NKAIN3: variants seen among roughly 807,000 people sequenced by gnomAD.
The protein encoded by NKAIN3 is sodium/potassium transporting ATPase interacting 3.
In NKAIN3, 25 loss-of-function variants were observed where a neutral mutation model predicts 30.2. The observed-to-expected ratio is 0.83, with a 90% CI of 0.60 to 1.16. The LOEUF (loss-of-function observed/expected upper bound fraction) is 1.16. Ranked by LOEUF, NKAIN3 falls within the 50% of genes most tolerant of loss-of-function variation. The pLI is 0.00. For synonymous variants in NKAIN3, 91 were observed against 89.6 expected (o/e 1.02, Z -0.09); for missense variants, 225 against 254.1 (o/e 0.89, Z 0.78).
chr8:62,649,838 G>A (rs1412763073), intron 3 of NKAIN3, among the ~76,000 whole-genome samples: 1 of 152,104 alleles, frequency 6.6e-6, no homozygotes, highest in African/African-American at 2.4e-5. Context: ...GCAGGGGCTG[G>A]GGGAAGGTTC....
At chr8:62,252,272 T>C (rs1812130348) in intron 1 of NKAIN3, among the ~76,000 whole-genome samples, 1 of 152,196 alleles carries the variant, frequency 6.6e-6, no homozygotes. Context: ...ACAATCTACA[T>C]GCTCATGACT....
At chr8:62,815,018 A>T (rs1289090053) in intron 4 of NKAIN3, among the ~76,000 whole-genome samples, 1 of 152,058 alleles carries the variant, frequency 6.6e-6, no homozygotes, top group East Asian at 1.9e-4. Context: ...TAGATGCAAT[A>T]AAAAATGATA....
At chr8:62,898,259 C>T (rs910872629) in intron 4 of NKAIN3, among the ~76,000 whole-genome samples, 3 of 152,036 alleles carry the variant, frequency 2.0e-5, no homozygotes, top group African/African-American at 7.2e-5. Context: ...AAGACACAAG[C>T]ATGCATATTT....
intron 3 of NKAIN3, among the ~76,000 whole-genome samples, chr8:62,616,038 C>T (rs1168674887): frequency 6.6e-6 from 1 of 152,052 alleles, no homozygotes; most frequent in East Asian, 1.9e-4. Flanking sequence ...TTTTCTATTC[C>T]ACCATCTTAC....
At chr8:62,864,714 T>C (rs529403342) in intron 4 of NKAIN3, among the ~76,000 whole-genome samples, 1 of 152,286 alleles carries the variant, frequency 6.6e-6, no homozygotes, top group East Asian at 1.9e-4. Flanking sequence ...CCTCCAGTAC[T>C]GGGGATTTGC....
intron 5 of NKAIN3, among the ~76,000 whole-genome samples, chr8:62,939,702 G>T (rs188069123): frequency 3.3e-5 from 5 of 152,172 alleles, no homozygotes; most frequent in Middle Eastern, 3.4e-3. Flanking sequence ...ACAAAAAAAT[G>T]CTGAGAGAAT....
intron 4 of NKAIN3, among the ~76,000 whole-genome samples, chr8:62,749,045 CT>C (rs1331218690): frequency 6.6e-6 from 1 of 151,768 alleles, no homozygotes; most frequent in Non-Finnish European, 1.5e-5. Context: ...CTCTATTATC[CT>C]ATACTAGATA....
intron 3 of NKAIN3, among the ~76,000 whole-genome samples, chr8:62,737,261 G>T (rs892135842): frequency 1.3e-5 from 2 of 152,180 alleles, no homozygotes; most frequent in Non-Finnish European, 1.5e-5. Context: ...AATTGCCCTT[G>T]TTTGATGATA....
In NKAIN3 at chr8:62,312,357, T is replaced by TA. The variant is rs1347958560; in HGVS notation, c.54+63232dup. ...GGTTTGGAAGAAAATATTAGGCTCT[T>TA]AAGCAAAAAATATTGATGAGCACTG... On this transcript the variant is annotated intron_variant, in intron 1 of 6. Transcript: ENST00000623646. Among the ~76,000 whole-genome samples the TA allele has an allele frequency of 8.0e-5, 12 of 150,760 alleles. No individual in the cohort carries two copies. In the South Asian group the frequency reaches 2.3e-3, roughly 29 times the overall value.
At chr8:62,926,004 T>C (rs1249198137) in intron 5 of NKAIN3, among the ~76,000 whole-genome samples, 1 of 152,102 alleles carries the variant, frequency 6.6e-6, no homozygotes, top group Non-Finnish European at 1.5e-5. Context: ...TGCCAGGCTG[T>C]GCAGCACTTC....
intron 1 of NKAIN3, among the ~76,000 whole-genome samples, chr8:62,394,907 G>A (rs1422269941): frequency 1.4e-5 from 2 of 146,416 alleles, no homozygotes; most frequent in African/African-American, 2.5e-5. Flanking sequence ...ACGGGGCGGC[G>A]GCTGGACAGA....
intron 3 of NKAIN3, among the ~76,000 whole-genome samples, chr8:62,700,619 G>A (rs1196073997): frequency 6.6e-6 from 1 of 152,046 alleles, no homozygotes; most frequent in Non-Finnish European, 1.5e-5. Flanking sequence ...ATCACCTTTG[G>A]CAAAGAAAAT....
chr8:62,632,821 T>A (rs1464518765), intron 3 of NKAIN3, among the ~76,000 whole-genome samples: 1 of 152,178 alleles, frequency 6.6e-6, no homozygotes, highest in Non-Finnish European at 1.5e-5. Flanking sequence ...AGTTTAAGTG[T>A]TCCTGAAGGA....
At chr8:62,824,766 C>A (rs1818967802) in intron 4 of NKAIN3, among the ~76,000 whole-genome samples, 1 of 152,100 alleles carries the variant, frequency 6.6e-6, no homozygotes, top group East Asian at 1.9e-4. Context: ...CTACCACAAG[C>A]TTTATATCTA....
chr8:62,415,379 G>T (rs1804412424), intron 1 of NKAIN3, among the ~76,000 whole-genome samples: 1 of 148,706 alleles, frequency 6.7e-6, no homozygotes, highest in Non-Finnish European at 1.5e-5. Context: ...GAAAAGTCTG[G>T]ATTATAATAA....
At chr8:62,680,144 C>G (rs566278111) in intron 3 of NKAIN3, among the ~76,000 whole-genome samples, 102 of 152,234 alleles carry the variant, frequency 6.7e-4, no homozygotes, top group African/African-American at 2.4e-3. Flanking sequence ...CCTCTAGAAG[C>G]TTAGAGTAAC....
intron 4 of NKAIN3, among the ~76,000 whole-genome samples, chr8:62,752,813 T>G (rs1333687534): frequency 6.6e-6 from 1 of 152,198 alleles, no homozygotes; most frequent in Non-Finnish European, 1.5e-5. Context: ...TGTAAAATTT[T>G]TTTTAATTGG....
chr8:62,786,871 G>A (rs1029222933), intron 4 of NKAIN3, among the ~76,000 whole-genome samples: 1 of 152,168 alleles, frequency 6.6e-6, no homozygotes, highest in Non-Finnish European at 1.5e-5. Flanking sequence ...GAATGCAGTT[G>A]TCAGTGCTTG....
intron 4 of NKAIN3, among the ~76,000 whole-genome samples, chr8:62,884,735 G>A (rs1821093208): frequency 6.6e-6 from 1 of 151,914 alleles, no homozygotes; most frequent in Non-Finnish European, 1.5e-5. Flanking sequence ...GTCTTTCAAG[G>A]AATTGATCTG....
Sources: allele counts gnomAD v4.1 joint callset (sites outside exome capture counted in the v4.1 genomes callset), GRCh38; gene constraint gnomAD v4.1.1; transcripts MANE v1.5; gene names NCBI Gene and HGNC (gene_info 2026-07-23, HGNC 2026-07-21).